Variants in SLC35F2 observed in about 807,000 individuals in gnomAD.
SLC35F2 encodes queuine/queuosine transporter SLC35F2.
SLC35F2 carries 25 observed loss-of-function variants against 38.1 expected under a neutral mutation model. That is an observed-to-expected ratio of 0.66 (90% CI 0.48 to 0.92). SLC35F2 has a LOEUF of 0.92. Ranked by LOEUF, SLC35F2 falls within the 40% of genes least tolerant of loss-of-function variation. SLC35F2 has a pLI of 0.00. For missense variants in SLC35F2, 409 were observed against 452.9 expected (o/e 0.90, Z 0.88); for synonymous variants, 173 against 181.7 (o/e 0.95, Z 0.38).
intron 1 of SLC35F2, among the ~76,000 whole-genome samples, chr11:107,830,340 C>T (rs1393266710): frequency 6.6e-6 from 1 of 152,006 alleles, no homozygotes; most frequent in Admixed American, 6.6e-5. Context: ...AATCTCAGCA[C>T]TGTGGGAGGC....
chr11:107,831,992 C>G (rs1394713572), intron 1 of SLC35F2, among the ~76,000 whole-genome samples: 1 of 152,124 alleles, frequency 6.6e-6, no homozygotes, highest in Non-Finnish European at 1.5e-5. Context: ...CATTATAACA[C>G]CAGTTATAGT....
chr11:107,811,813 G>A lies in SLC35F2; in HGVS notation c.287-19C>T, dbSNP rs780160635. ...TCACTGCCTGGTTGAAAGAAATATG[G>A]GTTAGTACATGTTACTTGCAAATGA... On this transcript the variant is annotated intron_variant, in intron 2 of 7. Transcript: ENST00000525815. The A allele has an allele frequency of 4.0e-5, 65 of 1,609,098 alleles. No individual in the cohort carries two copies. The highest frequency in any genetic ancestry group is 5.0e-5 in the Non-Finnish European group (59 of 1,177,100).
chr11:107,842,273 A>AC (rs1860024678), intron 1 of SLC35F2, among the ~76,000 whole-genome samples: 1 of 148,446 alleles, frequency 6.7e-6, no homozygotes, highest in Non-Finnish European at 1.5e-5. Flanking sequence ...AAAAAAAAAA[A>AC]AAAAAAAAAA....
At chr11:107,846,386 CAA>C (rs1487730503) in intron 1 of SLC35F2, among the ~76,000 whole-genome samples, 3 of 152,026 alleles carry the variant, frequency 2.0e-5, no homozygotes, top group Admixed American at 1.3e-4. Flanking sequence ...TACTGTTTAT[CAA>C]AAGAGTAGTC....
intron 7 of SLC35F2, among the ~76,000 whole-genome samples, chr11:107,797,310 G>A (rs1203178200): frequency 6.6e-6 from 1 of 151,954 alleles, no homozygotes; most frequent in East Asian, 1.9e-4. Flanking sequence ...AAAACAGAAT[G>A]GGCTAGGGAA....
At chr11:107,816,353 C>T in intron 1 of SLC35F2, 2 of 912,766 alleles carry the variant, frequency 2.2e-6, no homozygotes, top group Non-Finnish European at 2.6e-6. Context: ...GCAATCACAG[C>T]TCACTGCAGC....
intron 7 of SLC35F2, among the ~76,000 whole-genome samples, chr11:107,797,978 G>T (rs560054681): frequency 8.7e-4 from 126 of 145,136 alleles, no homozygotes; most frequent in Middle Eastern, 7.0e-3. Context: ...TTTTTAAGTT[G>T]GTATTTTTTA....
intron 7 of SLC35F2, among the ~76,000 whole-genome samples, chr11:107,799,613 C>A (rs7126265): frequency 6.6e-6 from 1 of 151,940 alleles, no homozygotes. Flanking sequence ...TTTGTTTAGA[C>A]GGAGTCTCAC....
At chr11:107,823,797 C>G (rs1392944272) in intron 1 of SLC35F2, 2 of 157,868 alleles carry the variant, frequency 1.3e-5, no homozygotes, top group Admixed American at 1.3e-4. Context: ...GGTGTGGTGG[C>G]GTGCACCTAT....
chr11:107,792,684 GCTGGTGA>G lies in SLC35F2; in HGVS notation c.1049_1055del (p.Val350AlafsTer9). The G allele has an allele frequency of 6.2e-7, 1 of 1,613,976 alleles. No homozygotes were observed. The highest frequency in any genetic ancestry group is 8.5e-7 in the Non-Finnish European group (1 of 1,179,976). On this transcript the variant is annotated frameshift_variant, in exon 8 of 8. Transcript: ENST00000525815. LOFTEE classifies it high-confidence loss of function. ...TCAGCCCCAGGTTGTCAATCCCAAT[GCTGGTGA>G]CTGGAGGCACGCTGCTTTCAGCCGG... is the stretch of plus-strand genomic sequence containing the variant.
intron 2 of SLC35F2, among the ~76,000 whole-genome samples, chr11:107,814,178 T>C (rs955472351): frequency 1.3e-5 from 2 of 152,058 alleles, no homozygotes; most frequent in African/African-American, 4.8e-5. Flanking sequence ...TAAACTAAAG[T>C]TTTAAAAAAT....
At chr11:107,821,734 A>G in intron 1 of SLC35F2, 1 of 562,332 alleles carries the variant, frequency 1.8e-6, no homozygotes. Flanking sequence ...CGGAACCTCC[A>G]CTAAAATGAA....
At chr11:107,814,459 CAAA>C (rs34742139) in intron 2 of SLC35F2, among the ~76,000 whole-genome samples, 5 of 110,048 alleles carry the variant, frequency 4.5e-5, no homozygotes, top group Admixed American at 1.0e-4. Flanking sequence ...GACTCTGCCT[CAAA>C]AAAAAAAAAA....
intron 1 of SLC35F2, among the ~76,000 whole-genome samples, chr11:107,853,821 T>C (rs926192949): frequency 1.3e-5 from 2 of 151,758 alleles, no homozygotes; most frequent in African/African-American, 4.8e-5. Flanking sequence ...GAAAAGCTTA[T>C]TTATCTATTT....
intron 1 of SLC35F2, among the ~76,000 whole-genome samples, chr11:107,824,664 TTAAG>T (rs1272373883): frequency 6.6e-6 from 1 of 152,228 alleles, no homozygotes; most frequent in Non-Finnish European, 1.5e-5. Context: ...TATGTCTTTT[TTAAG>T]TGAGTGTAAT....
rs1859368091 is a variant in SLC35F2, at chr11:107,804,795, GA to G, written c.732-26del. On this transcript the variant is annotated intron_variant, in intron 5 of 7. Coordinates refer to ENST00000525815, the MANE Select transcript of SLC35F2 (RefSeq NM_017515.5). ...TCTAAGATTAAAACAAGAGGTCACAGAGAGGTCCACATACTAATTTTCACTA... is the reference window on the plus strand; with the variant it reads ...TCTAAGATTAAAACAAGAGGTCACAGGAGGTCCACATACTAATTTTCACTA... 3 of 1,579,546 alleles carry G rather than the reference GA, an allele frequency of 1.9e-6. No individual in the cohort carries two copies. The African/African-American group carries it at 4.1e-5, about 21-fold the overall frequency.
intron 1 of SLC35F2, among the ~76,000 whole-genome samples, chr11:107,827,309 T>C (rs1012718545): frequency 9.2e-5 from 14 of 152,094 alleles, no homozygotes; most frequent in Non-Finnish European, 1.9e-4. Flanking sequence ...AACTAAATAC[T>C]ACCTCCCACT....
At chr11:107,825,361 CTTTTT>C (rs112751391) in intron 1 of SLC35F2, among the ~76,000 whole-genome samples, 2 of 123,648 alleles carry the variant, frequency 1.6e-5, no homozygotes, top group African/African-American at 6.0e-5. Context: ...GCATTTCTTT[CTTTTT>C]TTTTTTTTTT....
intron 1 of SLC35F2, among the ~76,000 whole-genome samples, chr11:107,818,170 G>A (rs1440268808): frequency 1.3e-5 from 2 of 151,964 alleles, no homozygotes; most frequent in Admixed American, 6.6e-5. Flanking sequence ...AGTGGCTCAC[G>A]CCTGTAATCC....
Sources: allele counts gnomAD v4.1 joint callset (sites outside exome capture counted in the v4.1 genomes callset), GRCh38; gene constraint gnomAD v4.1.1; transcripts MANE v1.5; gene names NCBI Gene and HGNC (gene_info 2026-07-23, HGNC 2026-07-21).